The following CFAP47 variants were observed in gnomAD, a reference collection of about 807,000 sequenced individuals.
The protein encoded by CFAP47 is cilia- and flagella-associated protein 47.
Under a neutral mutation model 148.1 loss-of-function variants are expected in CFAP47, and 29 were observed. The ratio of observed to expected loss-of-function variants is 0.20; its 90% CI spans 0.15 to 0.27. CFAP47 has a LOEUF of 0.27. Ranked by LOEUF, CFAP47 falls within the 10% of genes least tolerant of loss-of-function variation. The pLI is 1.00. For missense variants in CFAP47, 1,872 were observed against 1,697.5 expected, an observed-to-expected ratio of 1.10 and a Z score of -1.81; for synonymous variants, 664 against 577.3, an observed-to-expected ratio of 1.15 and a Z score of -2.15.
In CFAP47 at chrX:36,201,497, C is replaced by T. The variant is rs781921542; in HGVS notation, c.6660C>T (p.Ile2220=). The change falls in exon 44 of 64, where the codon ATC becomes ATT. Residue 2220 remains isoleucine, a synonymous_variant. Transcript: ENST00000378653. ...VAIALLGLTK[I]ETLMLFRISK... ...TCGCCCTCCTGGGACTGACGAAGAT[C>T]GAGGTGGGAATGGAGTAATAGATGA... 8 of 294,737 alleles carry T rather than the reference C, an allele frequency of 2.7e-5. No individual in the cohort carries two copies. Among genetic ancestry groups the T allele is most frequent in the South Asian group, 2.1e-4 (1 of 4,719 alleles). 24.3% of individuals were successfully genotyped at this position (294,737 alleles called of 1,213,427 possible).
At chrX:36,023,812 C>T (rs768167373) in intron 22 of CFAP47, among the ~76,000 whole-genome samples, 101 of 111,781 alleles carry the variant, frequency 9.0e-4, no homozygotes, top group Non-Finnish European at 1.6e-3. Context: ...CTTCAGTCAG[C>T]TTGTGGTGAA....
intron 56 of CFAP47, among the ~76,000 whole-genome samples, chrX:36,311,319 A>G (rs182756266): frequency 3.6e-5 from 4 of 111,176 alleles, no homozygotes; most frequent in African/African-American, 1.3e-4. Context: ...AACTTTATAG[A>G]AATTCTGATA....
chrX:36,161,093 G>A (rs1489671872), intron 39 of CFAP47, among the ~76,000 whole-genome samples: 1 of 110,468 alleles, frequency 9.1e-6, no homozygotes, highest in Non-Finnish European at 1.9e-5. Context: ...TGAGCCACCC[G>A]CCTTGGTCTC....
intron 29 of CFAP47, among the ~76,000 whole-genome samples, chrX:36,079,671 C>T (rs1937936223): frequency 8.9e-6 from 1 of 111,742 alleles, no homozygotes; most frequent in Admixed American, 9.6e-5. Flanking sequence ...TTTCTGAAGC[C>T]TACTTCTGTC....
chrX:36,366,283 A>G (rs1202927638), intron 61 of CFAP47, among the ~76,000 whole-genome samples: 1 of 111,578 alleles, frequency 9.0e-6, no homozygotes, highest in Non-Finnish European at 1.9e-5. Flanking sequence ...CAAACAGATA[A>G]CCATTCATCA....
intron 40 of CFAP47, among the ~76,000 whole-genome samples, chrX:36,184,715 C>T (rs1186906893): frequency 8.9e-6 from 1 of 111,817 alleles, no homozygotes; most frequent in Non-Finnish European, 1.9e-5. Context: ...GGGAGGATCA[C>T]CTGAGGTCGG....
At chrX:35,940,300 T>A (rs1298845739) in intron 2 of CFAP47, among the ~76,000 whole-genome samples, 1 of 111,368 alleles carries the variant, frequency 9.0e-6, no homozygotes, top group Non-Finnish European at 1.9e-5. Flanking sequence ...TTGAGTTTAA[T>A]TAGATCCCAT....
chrX:36,002,123 T>C (rs923683110), intron 21 of CFAP47, among the ~76,000 whole-genome samples: 5 of 111,161 alleles, frequency 4.5e-5, no homozygotes, highest in African/African-American at 1.6e-4. Context: ...TCCTTTTATA[T>C]TGTACCCCTT....
intron 33 of CFAP47, among the ~76,000 whole-genome samples, chrX:36,122,214 G>T (rs1182139329): frequency 1.8e-5 from 2 of 111,045 alleles, no homozygotes; most frequent in Non-Finnish European, 3.8e-5. Context: ...TTCTCTTACT[G>T]CTTTTAGGAT....
At chrX:36,086,367 T>A (rs1270777815) in intron 30 of CFAP47, among the ~76,000 whole-genome samples, 1 of 111,907 alleles carries the variant, frequency 8.9e-6, no homozygotes, top group African/African-American at 3.2e-5. Flanking sequence ...CCCTCTTCCA[T>A]GCTCCTATAC....
At chrX:36,009,575 C>T (rs908330948) in intron 21 of CFAP47, among the ~76,000 whole-genome samples, 1 of 112,118 alleles carries the variant, frequency 8.9e-6, no homozygotes, top group African/African-American at 3.2e-5. Context: ...GAATTGCTTG[C>T]TGTTTTGACC....
At position 36,228,669 on chromosome X, in the gene CFAP47, C is replaced by T. The variant is rs1555991877; in HGVS notation, c.6859C>T (p.Leu2287Phe). 5.7e-6 allele frequency: 3 copies of T among 523,323 alleles called. No individual in the cohort carries two copies. The highest frequency in any genetic ancestry group is 1.0e-5 in the Non-Finnish European group (3 of 286,019). The allele number at this position is 523,323 out of a possible 1,213,427, so 43.1% of individuals were successfully genotyped here. Reference protein sequence around the residue: ...SVPLPLQFLPLQSGRYPCKIL... With the variant: ...SVPLPLQFLPFQSGRYPCKIL... ...TCCACTTCCTTTGCAATTTCTTCCT[C>T]TCCAATCTGGACGCTACCCTTGTAA... Residue 2287 changes from leucine to phenylalanine, a missense_variant, in exon 46 of 64, where the codon CTC becomes TTC. Leu to Phe is a conservative substitution (Grantham distance 22, BLOSUM62 0). Transcript: ENST00000378653.
chrX:36,275,906 GAGAC>G (rs1350728104), intron 49 of CFAP47, among the ~76,000 whole-genome samples: 1 of 110,943 alleles, frequency 9.0e-6, no homozygotes, highest in East Asian at 2.8e-4. Context: ...AGTTCTTCAA[GAGAC>G]AGTTTTCGTA....
At chrX:36,305,509 C>A (rs1602100982) in intron 54 of CFAP47, among the ~76,000 whole-genome samples, 1 of 111,494 alleles carries the variant, frequency 9.0e-6, no homozygotes, top group East Asian at 2.8e-4. Context: ...TCCATTAATT[C>A]TTCTATTCAT....
intron 36 of CFAP47, among the ~76,000 whole-genome samples, chrX:36,145,705 T>C (rs2146838555): frequency 9.0e-6 from 1 of 111,304 alleles, no homozygotes; most frequent in Non-Finnish European, 1.9e-5. Context: ...TCTTAATATA[T>C]GATTGGGAAG....
rs1303421721 is a variant in CFAP47, at chrX:36,228,644, T to G, written c.6834T>G (p.Val2278=). 1.9e-6 allele frequency: 1 copy of G among 523,235 alleles called. No individual in the cohort carries two copies. The highest frequency in any genetic ancestry group is 2.3e-5 in the African/African-American group (1 of 43,237). 43.1% of individuals were successfully genotyped at this position (523,235 alleles called of 1,213,427 possible). A position where few individuals can be genotyped will look rare whatever the true frequency, so the allele number is the denominator to read the frequency against. The change falls in exon 46 of 64, where the codon GTT becomes GTG. Residue 2278 remains valine (V), a synonymous_variant. Transcript: ENST00000378653. ...LSKAKASDGS[V]PLPLQFLPLQ... ...TTTTGATAGCTTCAGATGGATCTGT[T>G]CCACTTCCTTTGCAATTTCTTCCTC...
intron 44 of CFAP47, 98 bp from the exon 45 acceptor site, chrX:36,204,859 T>C (rs1247262460): frequency 2.4e-5 from 7 of 290,407 alleles, no homozygotes; most frequent in Non-Finnish European, 4.2e-5. Context: ...GATGGATTTT[T>C]TTCCCCAAAG....
At chrX:36,013,009 CT>C (rs1937056625) in intron 21 of CFAP47, among the ~76,000 whole-genome samples, 1 of 109,357 alleles carries the variant, frequency 9.1e-6, no homozygotes, top group Non-Finnish European at 1.9e-5. Flanking sequence ...TCAGTGTTCA[CT>C]TGATTGCTGT....
intron 39 of CFAP47, among the ~76,000 whole-genome samples, chrX:36,178,100 A>G (rs1157112097): frequency 1.8e-5 from 2 of 111,815 alleles, no homozygotes; most frequent in Non-Finnish European, 3.8e-5. Context: ...CAATTACCAC[A>G]TGTCCTTATT....
Sources: allele counts gnomAD v4.1 joint callset (sites outside exome capture counted in the v4.1 genomes callset), GRCh38; gene constraint gnomAD v4.1.1; transcripts MANE v1.5; gene names NCBI Gene and HGNC (gene_info 2026-07-23, HGNC 2026-07-21).